RPS24: variants seen among roughly 807,000 people sequenced by gnomAD.
RPS24 encodes ribosomal protein S24, also known as small ribosomal subunit protein eS24.
For missense variants in RPS24, 100 were observed against 162.5 expected (o/e 0.62, Z 2.09); for synonymous variants, 72 against 55.6 (o/e 1.30, Z -1.31).
chr10:78,042,102 G>C (rs150639972), downstream of RPS24, among the ~76,000 whole-genome samples: 1,470 of 152,332 alleles, frequency 9.6e-3, 11 homozygotes, highest in Middle Eastern at 0.017. Context: ...CAAATTTTAC[G>C]TAAAGGTCTG....
At chr10:78,047,007 C>T (rs1186104974) in intron 4 of RPS24, among the ~76,000 whole-genome samples, 1 of 151,790 alleles carries the variant, frequency 6.6e-6, no homozygotes, top group Non-Finnish European at 1.5e-5. Context: ...GTTGCCCAGG[C>T]TGGAGTGCAG....
rs1847960585 is a variant in RPS24 at position 78,040,107 on chromosome 10, A to C, written c.391-97A>C. On this transcript the variant is annotated intron_variant, in intron 4 of 5. Coordinates refer to ENST00000372360, the MANE Select transcript of RPS24 (RefSeq NM_033022.4). ...ATCTTTAAGGTACCTGATTGCATGC[A>C]CTTAAATGCAGATTATTTTGGAGTT... is the stretch of plus-strand genomic sequence containing the variant. 2.6e-6 allele frequency: 3 copies of C among 1,134,726 alleles called. No individual in the cohort carries two copies. In the South Asian group the frequency reaches 3.7e-5, roughly 14 times the overall value. 70.3% of individuals were successfully genotyped at this position (1,134,726 alleles called of 1,614,324 possible).
intron 1 of RPS24, chr10:78,034,354 TGTC>T (rs1373033953): frequency 8.8e-6 from 2 of 228,444 alleles, no homozygotes; most frequent in African/African-American, 4.5e-5. Flanking sequence ...CTAGAAAACT[TGTC>T]AGCTGGATGG....
intron 3 of RPS24, among the ~76,000 whole-genome samples, chr10:78,036,713 A>G (rs1161496050): frequency 6.6e-6 from 1 of 152,206 alleles, no homozygotes; most frequent in Non-Finnish European, 1.5e-5. Flanking sequence ...TTGTAAAGAT[A>G]CAGAAACAGT....
chr10:78,037,956 G>C lies in RPS24; in HGVS notation c.390+652G>C, dbSNP rs879787371. On this transcript the variant is annotated intron_variant, in intron 4 of 5. Coordinates refer to ENST00000372360, the MANE Select transcript of RPS24 (RefSeq NM_033022.4). ...TCCTCTCTACTTTCTTGGATTTCTT[G>C]TTCATCAGAAATGAAGTGTCTAGCA... 2.8e-5 allele frequency: 10 copies of C among 363,574 alleles called. No individual in the cohort carries two copies. In the South Asian group the frequency reaches 3.1e-4, roughly 11 times the overall value. 22.5% of individuals were successfully genotyped at this position (363,574 alleles called of 1,614,324 possible). A position where few individuals can be genotyped will look rare whatever the true frequency, so the allele number is the denominator to read the frequency against.
At position 78,054,521 on chromosome 10, in the gene RPS24, G is replaced by C. The variant is rs996116354; in HGVS notation, c.391-10G>C. ...CCTCTGAGACTATTCTCTCCTTCCC[G>C]CTTTTGCAGATGAGGGAATTGGGGC... On this transcript the variant is annotated splice_polypyrimidine_tract_variant and intron_variant, in intron 4 of 4. Transcript: ENST00000440692. The C allele has an allele frequency of 5.2e-6, 8 of 1,526,178 alleles. No homozygotes were observed. In the South Asian group the frequency reaches 1.0e-4, roughly 19 times the overall value. 94.5% of individuals were successfully genotyped at this position (1,526,178 alleles called of 1,614,324 possible). A position where few individuals can be genotyped will look rare whatever the true frequency, so the allele number is the denominator to read the frequency against.
chr10:78,052,437 A>G (rs1370697069), intron 4 of RPS24, among the ~76,000 whole-genome samples: 2 of 152,208 alleles, frequency 1.3e-5, no homozygotes, highest in Admixed American at 1.3e-4. Flanking sequence ...TGTGTTGGGC[A>G]CATTGTATAT....
chr10:78,042,944 C>G (rs891358320), downstream of RPS24, among the ~76,000 whole-genome samples: 2 of 152,088 alleles, frequency 1.3e-5, no homozygotes, highest in African/African-American at 4.8e-5. Flanking sequence ...CTCATGGAGC[C>G]GAAACAGGTG....
chr10:78,037,419 C>T (rs1300218795), intron 4 of RPS24, 115 bp downstream of exon 4: 33 of 1,452,248 alleles, frequency 2.3e-5, no homozygotes, highest in Non-Finnish European at 3.0e-5. Context: ...TCTTCTTTTC[C>T]CTCTTCTTCT....
rs781747730 is a variant in RPS24, at chr10:78,035,470, A to G, written c.70-41A>G. ...TAATTGTCCTTTACTCTAAAGATGT[A>G]TTTTATCATACTGAATGCTAAACTT... On this transcript the variant is annotated intron_variant, in intron 2 of 5. Coordinates refer to ENST00000372360, the MANE Select transcript of RPS24 (RefSeq NM_033022.4). The G allele has an allele frequency of 3.7e-6, 6 of 1,613,122 alleles. No homozygotes were observed. The African/African-American group carries it at 4.0e-5, about 11-fold the overall frequency.
At chr10:78,048,735 C>T (rs1486012616) in intron 4 of RPS24, among the ~76,000 whole-genome samples, 2 of 151,990 alleles carry the variant, frequency 1.3e-5, no homozygotes, top group Admixed American at 6.6e-5. Context: ...ATTAGCCGGG[C>T]ATGGGGGCAT....
At position 78,037,302 on chromosome 10, in the gene RPS24, A is replaced by G. The variant is rs1847892746; in HGVS notation, c.388A>G (p.Lys130Glu). ...AAAGGCCAATGTTGGTGCTGGCAAA[A>G]AGGTATAGTTCATTAAGGAAAATAT... ...TAKANVGAGK[K>E] Residue 130 changes from lysine to glutamate, a missense_variant and splice_region_variant, in exon 4 of 6, where the codon AAG becomes GAG. Physicochemically the swap from Lys to Glu is moderately conservative, Grantham distance 56. Coordinates refer to ENST00000372360, the MANE Select transcript of RPS24 (RefSeq NM_033022.4). The G allele has an allele frequency of 6.3e-7, 1 of 1,597,080 alleles. No individual in the cohort carries two copies. The highest frequency in any genetic ancestry group is 1.1e-5 in the South Asian group (1 of 88,140).
chr10:78,037,719 A>G (rs1039027370), intron 4 of RPS24: 7 of 340,988 alleles, frequency 2.1e-5, no homozygotes, highest in Admixed American at 4.4e-5. Context: ...TTTTCCTGGC[A>G]CACTGGAAAG....
At chr10:78,047,724 C>T (rs1213256760) in intron 4 of RPS24, among the ~76,000 whole-genome samples, 2 of 152,226 alleles carry the variant, frequency 1.3e-5, no homozygotes, top group Non-Finnish European at 2.9e-5. Flanking sequence ...AGATCCTGTG[C>T]AAACAGCATT....
At chr10:78,053,949 T>C (rs1476301191) in intron 4 of RPS24, among the ~76,000 whole-genome samples, 1 of 152,112 alleles carries the variant, frequency 6.6e-6, no homozygotes, top group East Asian at 1.9e-4. Flanking sequence ...GCAGTATGGC[T>C]TCCTGGGGAA....
Position 78,035,574 on chromosome 10 carries a change from G to A in RPS24, c.133G>A (p.Ala45Thr). The A allele has an allele frequency of 1.9e-6, 3 of 1,614,006 alleles. No homozygotes were observed. The highest frequency in any genetic ancestry group is 2.5e-6 in the Non-Finnish European group (3 of 1,180,026). Residue 45 changes from alanine to threonine, a missense_variant, in exon 3 of 6, where the codon GCC becomes ACC. By Grantham distance (58) the Ala-to-Thr change is moderately conservative (BLOSUM62 0). Transcript: ENST00000372360. The stretch of plus-strand genomic sequence containing the variant: ...TAAGACAGAAATTCGGGAAAAACTA[G>A]CCAAAATGTACAAGACCACACCGGA... ...VPKTEIREKL[A>T]KMYKTTPDVI...
At chr10:78,054,873 C>T (rs1369372655) in exon 5 of RPS24, 1 of 1,547,686 alleles carries the variant, frequency 6.5e-7, no homozygotes, top group Admixed American at 2.0e-5. Context: ...CCTCCACTTG[C>T]CAGAAGCCTT....
intron 1 of RPS24, 144 bp downstream of exon 1, chr10:78,034,048 T>A: frequency 9.4e-7 from 1 of 1,065,980 alleles, no homozygotes; most frequent in East Asian, 2.4e-5. Context: ...GTCGAGGGGC[T>A]CGGGGCTGTT....
chr10:78,037,549 A>G, intron 4 of RPS24: 2 of 525,554 alleles, frequency 3.8e-6, no homozygotes, highest in South Asian at 4.5e-5. Context: ...ACATTGGTTC[A>G]TTGATCCCAG....
Sources: gnomAD v4.1 joint callset for allele counts (sites outside exome capture counted in the v4.1 genomes callset) on GRCh38, gnomAD v4.1.1 for gene constraint, MANE v1.5 for transcripts, NCBI Gene and HGNC (gene_info 2026-07-23, HGNC 2026-07-21) for gene names.